VDAC1: variants seen among roughly 807,000 people sequenced by gnomAD.
The protein encoded by VDAC1 is non-selective voltage-gated ion channel VDAC1.
Under a neutral mutation model 34.7 loss-of-function variants are expected in VDAC1, and 10 were observed. That is an observed-to-expected ratio of 0.29 (90% CI 0.18 to 0.49). The LOEUF (loss-of-function observed/expected upper bound fraction) is 0.49. Among genes scored for constraint, VDAC1 ranks in the 20% least tolerant of loss-of-function variants. The probability of loss-of-function intolerance (pLI) is 0.99; values close to 1 mark genes in which losing one functional copy is unlikely to be tolerated. For synonymous variants in VDAC1, 130 were observed against 136.0 expected (o/e 0.96, Z 0.30); for missense variants, 230 against 347.9 (o/e 0.66, Z 2.69).
chr5:134,035,858 T>C, the VDAC1 span, among the ~76,000 whole-genome samples: 1 of 151,712 alleles, frequency 6.6e-6, no homozygotes, highest in Admixed American at 6.6e-5. Flanking sequence ...CTACAAAAAT[T>C]AGCCGGGCGC....
the VDAC1 span, among the ~76,000 whole-genome samples, chr5:134,093,382 G>A: frequency 6.6e-6 from 1 of 152,070 alleles, no homozygotes; most frequent in Non-Finnish European, 1.5e-5. Flanking sequence ...TGTCCAGAAT[G>A]GCCCAGGTTG....
chr5:134,102,349 A>C, the VDAC1 span, among the ~76,000 whole-genome samples: 2 of 137,258 alleles, frequency 1.5e-5, no homozygotes, highest in Non-Finnish European at 1.6e-5. Flanking sequence ...CCCCACCCCA[A>C]AGCTTTTATT....
intron 1 of VDAC1, 57 bp from the exon 2 acceptor site, chr5:133,993,075 C>T: frequency 6.6e-7 from 1 of 1,511,884 alleles, no homozygotes; most frequent in Non-Finnish European, 9.0e-7. Context: ...ATTAGCTTTC[C>T]ATCAATAACA....
chr5:134,033,914 C>G, the VDAC1 span, among the ~76,000 whole-genome samples: 1 of 151,960 alleles, frequency 6.6e-6, no homozygotes, highest in Non-Finnish European at 1.5e-5. Flanking sequence ...ACGGCATGAA[C>G]CCGGGAGGCG....
the VDAC1 span, among the ~76,000 whole-genome samples, chr5:134,108,582 G>A: frequency 6.6e-6 from 1 of 152,294 alleles, no homozygotes; most frequent in South Asian, 2.1e-4. Flanking sequence ...GGGGCACTGA[G>A]CCAGGAAAGT....
At chr5:134,013,628 A>G in the VDAC1 span, among the ~76,000 whole-genome samples, 1 of 152,186 alleles carries the variant, frequency 6.6e-6, no homozygotes, top group African/African-American at 2.4e-5. Context: ...CAACAAGCAA[A>G]AAACAAAGAC....
At chr5:133,989,518 C>G (rs1753023918) in intron 5 of VDAC1, among the ~76,000 whole-genome samples, 1 of 151,582 alleles carries the variant, frequency 6.6e-6, no homozygotes, top group Non-Finnish European at 1.5e-5. Flanking sequence ...CACCATCATG[C>G]CTGGCTAATT....
the VDAC1 span, among the ~76,000 whole-genome samples, chr5:134,094,147 G>A: frequency 6.6e-6 from 1 of 152,248 alleles, no homozygotes; most frequent in East Asian, 1.9e-4. Flanking sequence ...ACAGGCTTGA[G>A]CACTGCCTCA....
intron 5 of VDAC1, among the ~76,000 whole-genome samples, chr5:133,987,006 A>T (rs1322312709): frequency 6.6e-6 from 1 of 152,254 alleles, no homozygotes; most frequent in African/African-American, 2.4e-5. Context: ...GGAAGAAGGA[A>T]TAGCTCTTCC....
chr5:134,081,767 T>C, the VDAC1 span: 1 of 152,392 alleles, frequency 6.6e-6, no homozygotes, highest in African/African-American at 2.4e-5. Context: ...TTTTGCTTCC[T>C]CTAAGGCAAA....
chr5:134,090,705 T>TG, the VDAC1 span, among the ~76,000 whole-genome samples: 1 of 152,218 alleles, frequency 6.6e-6, no homozygotes, highest in South Asian at 2.1e-4. Context: ...AAGGCAGCAC[T>TG]GGGGCAAACA....
intron 1 of VDAC1, among the ~76,000 whole-genome samples, chr5:133,999,926 G>A (rs1753477252): frequency 6.6e-6 from 1 of 152,034 alleles, no homozygotes; most frequent in African/African-American, 2.4e-5. Flanking sequence ...ACCATTCTAG[G>A]TGGTTTGTCA....
chr5:134,037,358 C>T, the VDAC1 span, among the ~76,000 whole-genome samples: 1 of 152,144 alleles, frequency 6.6e-6, no homozygotes, highest in Admixed American at 6.6e-5. Context: ...GAAAGTGACA[C>T]CTGCAGGCCA....
chr5:134,001,300 A>G (rs868258539), intron 1 of VDAC1, among the ~76,000 whole-genome samples: 3 of 152,110 alleles, frequency 2.0e-5, no homozygotes, highest in South Asian at 2.1e-4. Flanking sequence ...GAAACACACT[A>G]TCTCTCTCCC....
chr5:134,033,545 T>C, the VDAC1 span, among the ~76,000 whole-genome samples: 24 of 151,856 alleles, frequency 1.6e-4, no homozygotes, highest in Non-Finnish European at 2.5e-4. Flanking sequence ...TGTGAATGGA[T>C]AGAAGTCATG....
the VDAC1 span, among the ~76,000 whole-genome samples, chr5:134,015,826 G>A: frequency 1.3e-5 from 2 of 152,082 alleles, no homozygotes. Flanking sequence ...TGTATTTTTA[G>A]TAGAGACGGG....
At chr5:134,050,948 C>T in the VDAC1 span, among the ~76,000 whole-genome samples, 3 of 152,090 alleles carry the variant, frequency 2.0e-5, no homozygotes, top group African/African-American at 4.8e-5. Flanking sequence ...AGGCCTCTGG[C>T]GGTTCTTGAG....
the VDAC1 span, among the ~76,000 whole-genome samples, chr5:134,010,685 T>G: frequency 0.59 from 90,299 of 151,966 alleles, 27,270 homozygotes; most frequent in Non-Finnish European, 0.63. Context: ...CAGTATTACT[T>G]CAACCCCAAC....
chr5:134,023,873 C>T, the VDAC1 span, among the ~76,000 whole-genome samples: 4 of 151,926 alleles, frequency 2.6e-5, no homozygotes, highest in Admixed American at 2.0e-4. Flanking sequence ...TGGCTCATGC[C>T]TGTAATCCCA....
Sources: gnomAD v4.1 joint callset for allele counts (sites outside exome capture counted in the v4.1 genomes callset) on GRCh38, gnomAD v4.1.1 for gene constraint, MANE v1.5 for transcripts, NCBI Gene and HGNC (gene_info 2026-07-23, HGNC 2026-07-21) for gene names.